The following ZNF678 variants were observed in gnomAD, a reference collection of about 807,000 sequenced individuals.
ZNF678 encodes the protein hypothetical protein MGC42493.
ZNF678 carries 5 observed loss-of-function variants against 3.0 expected under a neutral mutation model. The ratio of observed to expected loss-of-function variants is 1.69; its 90% CI spans 0.88 to 3.56. The LOEUF is 3.56. ZNF678 is among the 30% of genes most tolerant of loss of function. ZNF678 has a pLI of 0.00. For missense variants in ZNF678, 593 were observed against 605.0 expected (o/e 0.98, Z 0.21); for synonymous variants, 218 against 199.6 (o/e 1.09, Z -0.78).
At position 227,655,629 on chromosome 1, in the gene ZNF678, C is replaced by G; in HGVS notation, c.1379C>G (p.Pro460Arg). 1.9e-6 allele frequency: 3 copies of G among 1,612,556 alleles called. No individual in the cohort carries two copies. Among genetic ancestry groups the G allele is most frequent in the Non-Finnish European group, 2.5e-6 (3 of 1,179,260 alleles). Residue 460 changes from proline (P) to arginine (R), a missense_variant, in exon 4 of 4, where the codon CCC (proline) becomes CGC (arginine). Pro to Arg is a moderately radical substitution (Grantham distance 103). Transcript: ENST00000343776. Reference protein sequence around the residue: ...KHKRIHTEEKPYKCEECGKAF... With the variant: ...KHKRIHTEEKRYKCEECGKAF... Reference sequence around the variant, plus strand: ...AAGAGAATTCATACTGAAGAGAAACCCTACAAATGTGAAGAATGTGGCAAA... The same window carrying G: ...AAGAGAATTCATACTGAAGAGAAACGCTACAAATGTGAAGAATGTGGCAAA...
chr1:227,618,926 C>T (rs1296307425), intron 1 of ZNF678, among the ~76,000 whole-genome samples: 1 of 151,976 alleles, frequency 6.6e-6, no homozygotes, highest in Non-Finnish European at 1.5e-5. Flanking sequence ...GCTGGGGGGG[C>T]CTCAGGAAAC....
chr1:227,650,504 T>C (rs1002374828), intron 2 of ZNF678, among the ~76,000 whole-genome samples: 6 of 152,196 alleles, frequency 3.9e-5, no homozygotes, highest in African/African-American at 1.4e-4. Flanking sequence ...TAAAATTTTA[T>C]TCCATTATTT....
intron 1 of ZNF678, among the ~76,000 whole-genome samples, chr1:227,600,705 T>C (rs1240547059): frequency 6.6e-6 from 1 of 152,242 alleles, no homozygotes; most frequent in Non-Finnish European, 1.5e-5. Flanking sequence ...ATACATAGTT[T>C]GCAGAAATTC....
intron 1 of ZNF678, chr1:227,582,577 C>T (rs1571864047): frequency 8.2e-6 from 2 of 244,852 alleles, no homozygotes; most frequent in Non-Finnish European, 8.5e-6. Flanking sequence ...GATTCTTCTG[C>T]CTAATCCTCC....
At chr1:227,630,539 G>C (rs1260575263) in intron 1 of ZNF678, among the ~76,000 whole-genome samples, 1 of 152,218 alleles carries the variant, frequency 6.6e-6, no homozygotes, top group Non-Finnish European at 1.5e-5. Flanking sequence ...TCAGATCAAA[G>C]GATTGCCCTA....
Position 227,638,788 on chromosome 1 carries a change from G to A in ZNF678, c.-163-7756G>A, listed in dbSNP as rs528781444. The stretch of plus-strand genomic sequence containing the variant: ...AAGAGTGAGTGAAGGAAAAGGTTAC[G>A]TGTAGGGAGCAGAAGAGTGGAGCAG... On this transcript the variant is annotated intron_variant, in intron 1 of 3. Coordinates refer to ENST00000343776, the MANE Select transcript of ZNF678 (RefSeq NM_001367909.1). The surrounding 1 kb of genome is among the most constrained non-coding windows in gnomAD (Gnocchi z 4.2). 3.9e-5 allele frequency among the ~76,000 whole-genome samples: 6 copies of A among 152,226 alleles called. No individual in the cohort carries two copies. Among genetic ancestry groups the A allele is most frequent in the African/African-American group, 7.2e-5 (3 of 41,520 alleles).
chr1:227,569,854 G>A (rs1302976176), intron 1 of ZNF678, among the ~76,000 whole-genome samples: 1 of 152,080 alleles, frequency 6.6e-6, no homozygotes, highest in Non-Finnish European at 1.5e-5. Context: ...TCATAATATA[G>A]ACTTGCATTG....
At chr1:227,641,065 G>A (rs578151630) in intron 1 of ZNF678, among the ~76,000 whole-genome samples, 43 of 152,318 alleles carry the variant, frequency 2.8e-4, no homozygotes, top group African/African-American at 9.6e-4. Flanking sequence ...CCAGGCTCCC[G>A]GGAAACTTAC....
At position 227,654,480 on chromosome 1, in the gene ZNF678, A is replaced by G. The variant is rs1158482745; in HGVS notation, c.230A>G (p.Lys77Arg). Residue 77 changes from lysine to arginine, a missense_variant, in exon 4 of 4, where the codon AAG (lysine) becomes AGG (arginine). Lys to Arg is a conservative substitution (Grantham distance 26, BLOSUM62 2). Transcript: ENST00000343776. ...VKDWRTVNEG[K>R]GQKEYCNRLT... ...GACTGGAGAACTGTGAATGAAGGTAAGGGGCAGAAAGAATATTGCAATAGA... is the reference window on the plus strand; with the variant it reads ...GACTGGAGAACTGTGAATGAAGGTAGGGGGCAGAAAGAATATTGCAATAGA... 3 of 1,613,272 alleles carry G rather than the reference A, an allele frequency of 1.9e-6. No individual in the cohort carries two copies. Among genetic ancestry groups the G allele is most frequent in the Non-Finnish European group, 2.5e-6 (3 of 1,179,484 alleles).
chr1:227,590,322 T>C (rs1657378977), intron 1 of ZNF678, among the ~76,000 whole-genome samples: 1 of 151,768 alleles, frequency 6.6e-6, no homozygotes, highest in Admixed American at 6.6e-5. Flanking sequence ...TTCTACAGAC[T>C]TCTCTTTCAG....
intron 1 of ZNF678, among the ~76,000 whole-genome samples, chr1:227,590,366 G>C (rs1657379943): frequency 6.6e-6 from 1 of 151,674 alleles, no homozygotes; most frequent in South Asian, 2.1e-4. Flanking sequence ...AGTTTATTTT[G>C]ATAGATAACA....
chr1:227,605,930 T>C (rs376454437), intron 1 of ZNF678, among the ~76,000 whole-genome samples: 155 of 152,364 alleles, frequency 1.0e-3, no homozygotes, highest in African/African-American at 3.6e-3. Flanking sequence ...CTAGATGTTA[T>C]AACTACATGT....
intron 1 of ZNF678, among the ~76,000 whole-genome samples, chr1:227,579,760 C>G (rs1217517982): frequency 2.0e-5 from 3 of 152,184 alleles, no homozygotes; most frequent in Non-Finnish European, 2.9e-5. Flanking sequence ...GACAGGCCAG[C>G]AGACCAAGGG....
intron 1 of ZNF678, among the ~76,000 whole-genome samples, chr1:227,592,237 C>G (rs1657435678): frequency 6.6e-6 from 1 of 152,200 alleles, no homozygotes; most frequent in African/African-American, 2.4e-5. Context: ...GTTAGTCTAG[C>G]ATTTGTCAGC....
chr1:227,564,683 T>C (rs1382385802), intron 1 of ZNF678, among the ~76,000 whole-genome samples: 1 of 152,228 alleles, frequency 6.6e-6, no homozygotes, highest in Non-Finnish European at 1.5e-5. Context: ...AATCATTTTT[T>C]CACAGAACAT....
At chr1:227,607,341 A>G (rs1293247079) in intron 1 of ZNF678, among the ~76,000 whole-genome samples, 4 of 152,204 alleles carry the variant, frequency 2.6e-5, no homozygotes, top group Non-Finnish European at 4.4e-5. Context: ...TGTAGAAAAT[A>G]AAACAAGGCT....
chr1:227,655,044 A>T lies in ZNF678; in HGVS notation c.794A>T (p.Tyr265Phe), dbSNP rs375948921. 2 of 1,612,238 alleles carry T rather than the reference A, an allele frequency of 1.2e-6. No individual in the cohort carries two copies. Among genetic ancestry groups the T allele is most frequent in the African/African-American group, 2.7e-5 (2 of 74,846 alleles). ...AGAATTCATACTGGAGAGAAACCTT[A>T]CAAGTGTGAAGAATGTGGCAACGTT... is the stretch of plus-strand genomic sequence containing the variant. ...HKRIHTGEKP[Y>F]KCEECGNVFN... The change falls in exon 4 of 4, where the codon TAC (tyrosine) becomes TTC (phenylalanine). Residue 265 changes from tyrosine (Y) to phenylalanine (F), a missense_variant. By Grantham distance (22) the Tyr-to-Phe change is conservative (BLOSUM62 3). Coordinates refer to ENST00000343776, the MANE Select transcript of ZNF678 (RefSeq NM_001367909.1).
In ZNF678 at chr1:227,654,727, C is replaced by T. The variant is rs745731007; in HGVS notation, c.477C>T (p.Gly159=). The change falls in exon 4 of 4, where the codon GGC becomes GGT. Residue 159 remains glycine (G), a synonymous_variant. Transcript: ENST00000343776. The stretch of plus-strand genomic sequence containing the variant: ...AACCCTACAAATGTGACGAATGTGG[C>T]AAAGTTTTTAATTGGTGGTCACAAC... ...GEKPYKCDEC[G]KVFNWWSQLT... is the part of the protein sequence containing the mutation. 6.2e-6 allele frequency: 10 copies of T among 1,613,010 alleles called. No individual in the cohort carries two copies. The highest frequency in any genetic ancestry group is 8.5e-6 in the Non-Finnish European group (10 of 1,179,342).
intron 2 of ZNF678, among the ~76,000 whole-genome samples, chr1:227,649,642 G>A (rs905419274): frequency 2.0e-5 from 3 of 152,228 alleles, no homozygotes; most frequent in East Asian, 1.9e-4. Flanking sequence ...GAGCCACTGC[G>A]CTTAGCCGGT....
Sources: allele counts gnomAD v4.1 joint callset (sites outside exome capture counted in the v4.1 genomes callset), GRCh38; gene constraint gnomAD v4.1.1; non-coding constraint Gnocchi (gnomAD v3.1); transcripts MANE v1.5; gene names NCBI Gene and HGNC (gene_info 2026-07-23, HGNC 2026-07-21).